Variants in UPRT observed in about 807,000 individuals in gnomAD.
The protein encoded by UPRT is uracil phosphoribosyltransferase homolog, also known as RP11-311P8.3.
In UPRT, 5 loss-of-function variants were observed where a neutral mutation model predicts 22.6. The observed-to-expected ratio is 0.22, with a 90% CI of 0.12 to 0.47. The LOEUF (loss-of-function observed/expected upper bound fraction) is 0.47, where lower values mean the gene tolerates loss of function less well. Among genes scored for constraint, UPRT ranks in the 20% least tolerant of loss-of-function variants. The pLI is 0.99. For missense variants in UPRT, 181 were observed against 239.9 expected, an observed-to-expected ratio of 0.75 and a Z score of 1.62; for synonymous variants, 77 against 87.7, an observed-to-expected ratio of 0.88 and a Z score of 0.68.
At chrX:75,296,806 G>T (rs1271178702) in intron 3 of UPRT, among the ~76,000 whole-genome samples, 1 of 111,630 alleles carries the variant, frequency 9.0e-6, no homozygotes, top group Non-Finnish European at 1.9e-5. Flanking sequence ...AAGTAAAAAA[G>T]AAAACTAAAA....
chrX:75,213,009 C>T (rs887238382), intron 4 of UPRT, among the ~76,000 whole-genome samples: 12 of 112,190 alleles, frequency 1.1e-4, no homozygotes, highest in African/African-American at 1.9e-4. Flanking sequence ...ATAGACATTG[C>T]GGAATTTAGA....
chrX:75,272,745 A>C (rs1053171852), upstream of UPRT, among the ~76,000 whole-genome samples: 1 of 110,786 alleles, frequency 9.0e-6, no homozygotes, highest in African/African-American at 3.3e-5. Flanking sequence ...ATAAAAAAAA[A>C]ATTATAAAAA....
At chrX:75,192,662 T>C (rs1474861764) in intron 4 of UPRT, among the ~76,000 whole-genome samples, 1 of 112,292 alleles carries the variant, frequency 8.9e-6, no homozygotes, top group Admixed American at 9.4e-5. Context: ...GCTGTGTATA[T>C]ATTTAGGGTA....
chrX:75,170,090 G>A (rs748625154), intron 4 of UPRT, among the ~76,000 whole-genome samples: 51 of 99,838 alleles, frequency 5.1e-4, no homozygotes, highest in African/African-American at 1.0e-3. Flanking sequence ...AGGCTGGAGC[G>A]CAGTGGTGCG....
chrX:75,256,426 C>G (rs913967040), intron 4 of UPRT, among the ~76,000 whole-genome samples: 2 of 111,068 alleles, frequency 1.8e-5, no homozygotes, highest in African/African-American at 6.5e-5. Context: ...AGAGCACAAA[C>G]AGACAATCTA....
chrX:75,194,602 T>C (rs759754044), intron 4 of UPRT, among the ~76,000 whole-genome samples: 1 of 111,124 alleles, frequency 9.0e-6, no homozygotes, highest in African/African-American at 3.3e-5. Flanking sequence ...TATGCACATT[T>C]GCACTGATGG....
Position 75,274,654 on chromosome X carries a change from G to A in UPRT, c.386+14G>A. ...CATCCGTGACAAGTAAGCCAAGAGC[G>A]GAAGGGGAAAGGGAAGTGGAGGGTC... is the stretch of plus-strand genomic sequence containing the variant. On this transcript the variant is annotated intron_variant, in intron 1 of 6. Transcript: ENST00000373383. The A allele has an allele frequency of 8.5e-7, 1 of 1,179,046 alleles. No homozygotes were observed. Among genetic ancestry groups the A allele is most frequent in the Non-Finnish European group, 1.1e-6 (1 of 877,000 alleles).
chrX:75,248,863 G>A (rs775785519), intron 4 of UPRT, among the ~76,000 whole-genome samples: 3 of 111,983 alleles, frequency 2.7e-5, no homozygotes, highest in Admixed American at 9.5e-5. Flanking sequence ...CTGATCTCTC[G>A]GCAGAAATTC....
At chrX:75,254,196 G>A (rs1407649815) in intron 4 of UPRT, among the ~76,000 whole-genome samples, 1 of 111,710 alleles carries the variant, frequency 9.0e-6, no homozygotes, top group East Asian at 2.8e-4. Context: ...TCCCTGATTT[G>A]TCTGAAAAAG....
chrX:75,217,974 TG>T (rs1421446799), intron 4 of UPRT, among the ~76,000 whole-genome samples: 1 of 111,564 alleles, frequency 9.0e-6, no homozygotes, highest in Non-Finnish European at 1.9e-5. Flanking sequence ...GACATAGGCA[TG>T]GGCAAGGACT....
intron 4 of UPRT, among the ~76,000 whole-genome samples, chrX:75,210,607 G>A (rs533747877): frequency 1.3e-4 from 13 of 103,391 alleles, no homozygotes; most frequent in Non-Finnish European, 5.9e-5. Flanking sequence ...GGGGGACGGA[G>A]GGCAAAAGTA....
exon 1 of UPRT, chrX:75,156,442 CT>C (rs765274071): frequency 3.7e-5 from 20 of 546,433 alleles, no homozygotes; most frequent in Non-Finnish European, 5.7e-5. Context: ...TTTGTTTTTC[CT>C]TAGGGCCGAG....
intron 4 of UPRT, among the ~76,000 whole-genome samples, chrX:75,255,107 C>T (rs1037592414): frequency 6.3e-5 from 7 of 111,253 alleles, no homozygotes; most frequent in Admixed American, 1.9e-4. Context: ...GAGACAAAAG[C>T]GCCAAGTAAC....
intron 1 of UPRT, among the ~76,000 whole-genome samples, chrX:75,281,001 T>A (rs907746202): frequency 1.3e-4 from 14 of 110,750 alleles, no homozygotes; most frequent in Non-Finnish European, 1.9e-4. Flanking sequence ...TTAGGTAAAT[T>A]CCTAAGGATT....
At chrX:75,186,605 TA>T (rs1350157620) in intron 4 of UPRT, among the ~76,000 whole-genome samples, 1 of 111,733 alleles carries the variant, frequency 8.9e-6, no homozygotes, top group African/African-American at 3.3e-5. Flanking sequence ...TTGATCTGTC[TA>T]ATGTTGACAG....
intron 2 of UPRT, among the ~76,000 whole-genome samples, chrX:75,162,696 T>A (rs1204253562): frequency 8.9e-6 from 1 of 111,791 alleles, no homozygotes; most frequent in Admixed American, 9.5e-5. Flanking sequence ...ATTCTGTGAT[T>A]TCTTACTAAC....
At chrX:75,194,372 C>T (rs779999878) in intron 4 of UPRT, among the ~76,000 whole-genome samples, 6 of 111,332 alleles carry the variant, frequency 5.4e-5, no homozygotes, top group Non-Finnish European at 7.5e-5. Context: ...GGTGACAACA[C>T]TCTGATGGGT....
chrX:75,188,909 T>TGTCCTGCGCCC (rs1569262315), intron 4 of UPRT, among the ~76,000 whole-genome samples: 4 of 110,494 alleles, frequency 3.6e-5, no homozygotes, highest in Non-Finnish European at 7.6e-5. Flanking sequence ...GACCTGCGCC[T>TGTCCTGCGCCC]ACTGTCTGGC....
At chrX:75,252,349 A>G (rs1263732554) in intron 4 of UPRT, among the ~76,000 whole-genome samples, 5 of 112,202 alleles carry the variant, frequency 4.5e-5, no homozygotes, top group African/African-American at 1.6e-4. Flanking sequence ...TTACAAGAAA[A>G]AAACAAACAA....
Sources: gnomAD v4.1 joint callset for allele counts (sites outside exome capture counted in the v4.1 genomes callset) on GRCh38, gnomAD v4.1.1 for gene constraint, MANE v1.5 for transcripts, NCBI Gene and HGNC (gene_info 2026-07-23, HGNC 2026-07-21) for gene names.